The following NAA15 variants were observed in gnomAD, a reference collection of about 807,000 sequenced individuals.
NAA15 encodes the protein N-terminal acetyltransferase.
Under a neutral mutation model 114.0 loss-of-function variants are expected in NAA15, and 34 were observed. That is an observed-to-expected ratio of 0.30 (90% confidence interval 0.23 to 0.40). The LOEUF (loss-of-function observed/expected upper bound fraction) is 0.40. NAA15 is among the 10% of genes least tolerant of loss of function. The probability of loss-of-function intolerance (pLI) is 1.00; values close to 1 mark genes in which losing one functional copy is unlikely to be tolerated. For missense variants in NAA15, 658 were observed against 1,004.5 expected (o/e 0.66, Z 4.66); for synonymous variants, 340 against 338.0 (o/e 1.01, Z -0.06).
intron 17 of NAA15, among the ~76,000 whole-genome samples, chr4:139,382,125 C>T (rs893170461): frequency 3.3e-5 from 5 of 152,054 alleles, no homozygotes; most frequent in African/African-American, 1.2e-4. Flanking sequence ...TGATGTTGCT[C>T]CTTTTCTTAA....
chr4:139,380,529 AGATT>A lies in NAA15; in HGVS notation c.2155+1680_2155+1683del, dbSNP rs1560982194. On this transcript the variant is annotated intron_variant, in intron 17 of 19. Coordinates refer to ENST00000296543, the MANE Select transcript of NAA15 (RefSeq NM_057175.5). ...ATGTATTTGCTTATAATCAGTATGTAGATTGATTAACATGAGTGTTTTCTTTCAG... is the reference window on the plus strand; with the variant it reads ...ATGTATTTGCTTATAATCAGTATGTAGATTAACATGAGTGTTTTCTTTCAG... 2.6e-5 allele frequency among the ~76,000 whole-genome samples: 4 copies of A among 152,230 alleles called. No individual in the cohort carries two copies. The South Asian group carries it at 8.3e-4, about 31-fold the overall frequency.
intron 13 of NAA15, 25 bp from the exon 14 acceptor site, chr4:139,361,696 TATA>T: frequency 1.4e-6 from 2 of 1,402,944 alleles, no homozygotes; most frequent in South Asian, 2.8e-5. Context: ...TGTACTTCGG[TATA>T]ATAATAAAAA....
Position 139,340,919 on chromosome 4 carries a change from C to T in NAA15, c.252C>T (p.His84=), listed in dbSNP as rs768586140. 17 of 1,547,114 alleles carry T rather than the reference C, an allele frequency of 1.1e-5. No individual in the cohort carries two copies. The Admixed American group carries it at 2.1e-4, about 19-fold the overall frequency. Residue 84 remains histidine (H), a synonymous_variant, in exon 4 of 20, where the codon CAC becomes CAT. Coordinates refer to ENST00000296543, the MANE Select transcript of NAA15 (RefSeq NM_057175.5). Reference sequence around the variant, plus strand: ...CTTAACTAAATTCTTTAGGTTGGCACGTTTATGGCCTTCTTCAGAGGTCAG... The same window carrying T: ...CTTAACTAAATTCTTTAGGTTGGCATGTTTATGGCCTTCTTCAGAGGTCAG... ...RNDLKSHVCW[H]VYGLLQRSDK...
At chr4:139,384,783 A>G in intron 17 of NAA15, 49 bp from the exon 18 acceptor site, 2 of 1,230,428 alleles carry the variant, frequency 1.6e-6, no homozygotes, top group South Asian at 5.0e-5. Context: ...ACTTTTGTAA[A>G]CTTTATCAGA....
At chr4:139,310,310 C>T (rs182617295) in intron 1 of NAA15, among the ~76,000 whole-genome samples, 2,296 of 151,104 alleles carry the variant, frequency 0.015, 76 homozygotes, top group African/African-American at 0.051. Context: ...AAAAATTAGC[C>T]GGGCGTAGTG....
In NAA15 at chr4:139,388,897, T is replaced by C. The variant is rs1224976950; in HGVS notation, c.*813T>C. 3 of 152,690 alleles carry C rather than the reference T, an allele frequency of 2.0e-5. No homozygotes were observed. The highest frequency in any genetic ancestry group is 1.5e-5 in the Non-Finnish European group (1 of 68,028). The allele number at this position is 152,690 out of a possible 1,614,324, so 9.5% of individuals were successfully genotyped here. On this transcript the variant is annotated 3_prime_UTR_variant, in exon 20 of 20. Coordinates refer to ENST00000296543, the MANE Select transcript of NAA15 (RefSeq NM_057175.5). ...GCACTGTGATGTGGCACCAACTAATTAGCAAGCATGAATTTTTCACCCAAG... is the reference window on the plus strand; with the variant it reads ...GCACTGTGATGTGGCACCAACTAATCAGCAAGCATGAATTTTTCACCCAAG...
At chr4:139,357,771 A>G (rs780521141) in intron 11 of NAA15, among the ~76,000 whole-genome samples, 1 of 152,222 alleles carries the variant, frequency 6.6e-6, no homozygotes, top group Non-Finnish European at 1.5e-5. Context: ...ACACATACGT[A>G]CATACATTAA....
intron 11 of NAA15, among the ~76,000 whole-genome samples, chr4:139,358,871 CT>C (rs1397679419): frequency 6.6e-6 from 1 of 152,088 alleles, no homozygotes; most frequent in Non-Finnish European, 1.5e-5. Context: ...AATCCCAGCA[CT>C]TTTGGAGGCC....
chr4:139,333,782 C>A (rs1296829239), intron 1 of NAA15, among the ~76,000 whole-genome samples: 9 of 151,834 alleles, frequency 5.9e-5, no homozygotes, highest in African/African-American at 1.7e-4. Context: ...TGCCTGTAGT[C>A]CCAGCTACTT....
chr4:139,387,405 T>A (rs1013751227), intron 19 of NAA15, among the ~76,000 whole-genome samples: 3 of 152,242 alleles, frequency 2.0e-5, no homozygotes, highest in Non-Finnish European at 4.4e-5. Flanking sequence ...GTGCCTTAAG[T>A]TGCTCTTTAA....
chr4:139,369,418 T>G (rs1219256180), intron 14 of NAA15, among the ~76,000 whole-genome samples: 1 of 152,156 alleles, frequency 6.6e-6, no homozygotes, highest in Non-Finnish European at 1.5e-5. Context: ...GTGGTTCCGT[T>G]GTTTGCTATC....
At chr4:139,326,490 T>C (rs1453462283) in intron 1 of NAA15, among the ~76,000 whole-genome samples, 1 of 152,216 alleles carries the variant, frequency 6.6e-6, no homozygotes, top group Non-Finnish European at 1.5e-5. Context: ...AGGATTCTTT[T>C]TGATACTCAG....
At chr4:139,387,774 T>A (rs1369567449) in intron 19 of NAA15, 110 bp from the exon 20 acceptor site, 1 of 815,252 alleles carries the variant, frequency 1.2e-6, no homozygotes. Context: ...TAGCTAAATA[T>A]GTGTATTTAT....
In NAA15 at chr4:139,349,487, T is replaced by C. The variant is rs761147756; in HGVS notation, c.717T>C (p.Arg239=). ...TKGELLLQLC[R]LEDAADVYRG... ...GGGAACTTCTGTTGCAACTATGTCG[T>C]TTGGAAGATGCTGCAGATGTTTATA... The change falls in exon 7 of 20, where the codon CGT becomes CGC. Residue 239 remains arginine, a synonymous_variant. Coordinates refer to ENST00000296543, the MANE Select transcript of NAA15 (RefSeq NM_057175.5). 4.4e-6 allele frequency: 7 copies of C among 1,605,048 alleles called. No individual in the cohort carries two copies. Among genetic ancestry groups the C allele is most frequent in the Non-Finnish European group, 5.9e-6 (7 of 1,177,452 alleles).
chr4:139,349,310 TA>T (rs1277635600), intron 6 of NAA15, 151 bp from the exon 7 acceptor site: 6 of 590,220 alleles, frequency 1.0e-5, no homozygotes, highest in Non-Finnish European at 1.4e-5. Flanking sequence ...CATAACTTGG[TA>T]AATGATCTTA....
chr4:139,370,477 A>G, intron 15 of NAA15, 73 bp downstream of exon 15: 3 of 1,428,942 alleles, frequency 2.1e-6, no homozygotes, highest in Non-Finnish European at 2.8e-6. Flanking sequence ...ATACTGTCTT[A>G]TTTGACAGTA....
intron 13 of NAA15, 72 bp from the exon 14 acceptor site, chr4:139,361,652 A>G: frequency 2.2e-6 from 2 of 923,412 alleles, no homozygotes; most frequent in Non-Finnish European, 3.2e-6. Flanking sequence ...CAAGTATTCC[A>G]ATGCTTTGAT....
chr4:139,379,485 G>C (rs992778721), intron 17 of NAA15: 2 of 152,122 alleles, frequency 1.3e-5, no homozygotes, highest in Admixed American at 6.6e-5. Flanking sequence ...ACTTAGTAAC[G>C]CAACAGTGAC....
intron 17 of NAA15, 167 bp downstream of exon 17, chr4:139,379,021 T>G: frequency 2.1e-6 from 1 of 468,068 alleles, no homozygotes; most frequent in Non-Finnish European, 3.7e-6. Context: ...GGTTTTTATT[T>G]TAAGGATACA....
Sources: gnomAD v4.1 joint callset for allele counts (sites outside exome capture counted in the v4.1 genomes callset) on GRCh38, gnomAD v4.1.1 for gene constraint, MANE v1.5 for transcripts, NCBI Gene and HGNC (gene_info 2026-07-23, HGNC 2026-07-21) for gene names.